The following FAM149B1 variants were observed in gnomAD, a reference collection of about 807,000 sequenced individuals.
FAM149B1 encodes family with sequence similarity 149 member B1, also known as primary cilium assembly protein FAM149B1.
A neutral mutation model predicts 75.3 loss-of-function variants in FAM149B1; 56 were observed. The ratio of observed to expected loss-of-function variants is 0.74; its 90% CI spans 0.60 to 0.93. FAM149B1 has a LOEUF of 0.93. Ranked by LOEUF, FAM149B1 falls within the 40% of genes least tolerant of loss-of-function variation. The pLI, the probability that FAM149B1 is intolerant of heterozygous loss-of-function variation, is 0.00. For synonymous variants in FAM149B1, 259 were observed against 256.1 expected (o/e 1.01, Z -0.11); for missense variants, 639 against 708.4 (o/e 0.90, Z 1.11).
intron 2 of FAM149B1, 71 bp downstream of exon 2, chr10:73,174,862 G>A: frequency 9.5e-7 from 1 of 1,047,476 alleles, no homozygotes; most frequent in South Asian, 1.4e-5. Flanking sequence ...TTTGGCTTAA[G>A]ATTGGTGTCA....
At chr10:73,185,321 G>T (rs1002055784) in intron 3 of FAM149B1, among the ~76,000 whole-genome samples, 2 of 152,146 alleles carry the variant, frequency 1.3e-5, no homozygotes, top group Admixed American at 1.3e-4. Flanking sequence ...AGGTAAGGAG[G>T]GAGGATCACT....
intron 5 of FAM149B1, among the ~76,000 whole-genome samples, chr10:73,202,285 T>G (rs1285228283): frequency 6.9e-6 from 1 of 145,748 alleles, no homozygotes; most frequent in Non-Finnish European, 1.5e-5. Flanking sequence ...TAGCTAAAAT[T>G]TCTTTTAATA....
intron 3 of FAM149B1, among the ~76,000 whole-genome samples, chr10:73,182,211 CTTTTTTTT>C (rs1193905747): frequency 2.7e-5 from 3 of 109,404 alleles, no homozygotes; most frequent in Non-Finnish European, 5.8e-5. Flanking sequence ...CAGTCTGTGT[CTTTTTTTT>C]TTTTTTTTTT....
At chr10:73,182,449 T>C (rs1044666480) in intron 3 of FAM149B1, among the ~76,000 whole-genome samples, 9 of 152,190 alleles carry the variant, frequency 5.9e-5, no homozygotes, top group East Asian at 1.9e-4. Flanking sequence ...TGACCTCAAG[T>C]GATCTGCCCA....
chr10:73,237,638 T>C (rs2043850516), intron 12 of FAM149B1, among the ~76,000 whole-genome samples: 1 of 152,200 alleles, frequency 6.6e-6, no homozygotes. Context: ...CCCAGGCTGG[T>C]CTTGAACTTC....
chr10:73,217,645 T>G (rs745874213), intron 7 of FAM149B1, among the ~76,000 whole-genome samples: 16 of 152,224 alleles, frequency 1.1e-4, no homozygotes, highest in Non-Finnish European at 2.1e-4. Context: ...TAAGAAAGAC[T>G]GAGAGCTAGT....
chr10:73,244,121 C>G lies in FAM149B1; in HGVS notation c.*3102C>G. ...ACAGCAAGCAGTAGATCCTCTGATTCCAATTACCATTTGTTTTTTACCCAA... is the reference window on the plus strand; with the variant it reads ...ACAGCAAGCAGTAGATCCTCTGATTGCAATTACCATTTGTTTTTTACCCAA... On this transcript the variant is annotated 3_prime_UTR_variant, in exon 14 of 14. Coordinates refer to ENST00000242505, the MANE Select transcript of FAM149B1 (RefSeq NM_173348.2). The G allele has an allele frequency of 1.7e-6, 1 of 572,430 alleles. No individual in the cohort carries two copies. 35.5% of individuals were successfully genotyped at this position (572,430 alleles called of 1,614,324 possible). A position where few individuals can be genotyped will look rare whatever the true frequency, so the allele number is the denominator to read the frequency against.
intron 1 of FAM149B1, chr10:73,168,918 C>G (rs7895584): frequency 0.016 from 2,449 of 152,842 alleles, 63 homozygotes; most frequent in African/African-American, 0.056. Context: ...TCATAACCAT[C>G]ACACATACTG....
chr10:73,224,458 A>C (rs180835719), intron 7 of FAM149B1, among the ~76,000 whole-genome samples: 69 of 151,802 alleles, frequency 4.5e-4, no homozygotes, highest in Admixed American at 4.5e-3. Context: ...GAATAAACAA[A>C]TGATTATTAC....
intron 5 of FAM149B1, among the ~76,000 whole-genome samples, chr10:73,208,263 A>G (rs1324782160): frequency 6.6e-6 from 1 of 152,242 alleles, no homozygotes; most frequent in Non-Finnish European, 1.5e-5. Context: ...TGCCAGCACT[A>G]TGCTTCTACA....
intron 7 of FAM149B1, among the ~76,000 whole-genome samples, chr10:73,221,429 C>G (rs1286120691): frequency 6.6e-6 from 1 of 152,128 alleles, no homozygotes; most frequent in African/African-American, 2.4e-5. Flanking sequence ...ATTTTATGAA[C>G]TATGTGAATA....
At chr10:73,231,582 C>T (rs1589191770) in intron 9 of FAM149B1, among the ~76,000 whole-genome samples, 1 of 152,142 alleles carries the variant, frequency 6.6e-6, no homozygotes. Flanking sequence ...GCATGAGCTA[C>T]TAAGGGTCTG....
At chr10:73,217,287 T>C (rs1396334325) in intron 7 of FAM149B1, among the ~76,000 whole-genome samples, 1 of 152,212 alleles carries the variant, frequency 6.6e-6, no homozygotes, top group East Asian at 1.9e-4. Flanking sequence ...CATACATATT[T>C]TTTTCTGTTG....
At chr10:73,226,099 ATTTTT>A (rs59418464) in intron 7 of FAM149B1, among the ~76,000 whole-genome samples, 1 of 143,164 alleles carries the variant, frequency 7.0e-6, no homozygotes. Flanking sequence ...TACCACAATA[ATTTTT>A]TTTTTTTTTT....
chr10:73,181,622 ATT>A (rs1430118989), intron 3 of FAM149B1, among the ~76,000 whole-genome samples: 1 of 152,112 alleles, frequency 6.6e-6, no homozygotes, highest in Non-Finnish European at 1.5e-5. Flanking sequence ...GCTTGATATT[ATT>A]TCAGTTTTTT....
chr10:73,180,098 C>G (rs1190588366), intron 3 of FAM149B1, among the ~76,000 whole-genome samples: 1 of 152,190 alleles, frequency 6.6e-6, no homozygotes, highest in African/African-American at 2.4e-5. Flanking sequence ...GTGATAAGTG[C>G]TCTAAGAAAG....
chr10:73,234,728 T>C, intron 10 of FAM149B1, 89 bp from the exon 11 acceptor site: 1 of 1,396,190 alleles, frequency 7.2e-7, no homozygotes, highest in Non-Finnish European at 9.7e-7. Context: ...TAAACTCATC[T>C]GCTTCATTTA....
rs188691747 is a variant in FAM149B1 at position 73,176,950 on chromosome 10, C to A, written c.153-896C>A. 1.3e-3 allele frequency among the ~76,000 whole-genome samples: 193 copies of A among 152,094 alleles called. 4 individuals are homozygous for A. Among genetic ancestry groups the A allele is most frequent in the Admixed American group, 0.012 (191 of 15,286 alleles). ...GCTGAGGCAGGAGAATCACTTGAAC[C>A]CGAGAGGAGGAGGTTGCAGTGAGCC... On this transcript the variant is annotated intron_variant, in intron 2 of 13. Coordinates refer to ENST00000242505, the MANE Select transcript of FAM149B1 (RefSeq NM_173348.2).
chr10:73,206,628 G>T (rs1258359827), intron 5 of FAM149B1, among the ~76,000 whole-genome samples: 1 of 152,228 alleles, frequency 6.6e-6, no homozygotes, highest in Non-Finnish European at 1.5e-5. Flanking sequence ...TTGTTGCCTT[G>T]AGCAGCCTTG....
Sources: gnomAD v4.1 joint callset for allele counts (sites outside exome capture counted in the v4.1 genomes callset) on GRCh38, gnomAD v4.1.1 for gene constraint, MANE v1.5 for transcripts, NCBI Gene and HGNC (gene_info 2026-07-23, HGNC 2026-07-21) for gene names.